Variants in CHRNA4 observed in about 807,000 individuals in gnomAD.
CHRNA4 encodes neuronal acetylcholine receptor subunit alpha-4.
CHRNA4 carries 28 observed loss-of-function variants against 48.9 expected under a neutral mutation model. That is an observed-to-expected ratio of 0.57 (90% CI 0.42 to 0.79). The LOEUF is 0.79. Among genes scored for constraint, CHRNA4 ranks in the 30% least tolerant of loss-of-function variants. The pLI is 0.00. For synonymous variants in CHRNA4, 425 were observed against 402.3 expected (o/e 1.06, Z -0.68); for missense variants, 859 against 898.4 (o/e 0.96, Z 0.56).
intron 5 of CHRNA4, among the ~76,000 whole-genome samples, chr20:63,349,149 T>C (rs2068541927): frequency 1.3e-5 from 2 of 152,012 alleles, no homozygotes; most frequent in Non-Finnish European, 2.9e-5. Flanking sequence ...CCCAGCTCCG[T>C]CCTCCTGCCA....
intron 2 of CHRNA4, among the ~76,000 whole-genome samples, chr20:63,357,047 A>ACAGGACTACAT (rs1568817550): frequency 2.0e-4 from 28 of 142,118 alleles, no homozygotes; most frequent in South Asian, 1.4e-3. Context: ...CAGGACCACA[A>ACAGGACTACAT]CCCACAGGAC....
In CHRNA4 at chr20:63,361,129, G is replaced by A; in HGVS notation, c.37C>T (p.Pro13Ser). The A allele has an allele frequency of 3.4e-6, 5 of 1,477,474 alleles. No homozygotes were observed. Among genetic ancestry groups the A allele is most frequent in the Admixed American group, 2.3e-5 (1 of 43,874 alleles). 91.5% of individuals were successfully genotyped at this position (1,477,474 alleles called of 1,614,324 possible). Residue 13 changes from proline to serine, a missense_variant, in exon 1 of 6, where the codon CCG becomes TCG. Around this residue, in one of 3 missense-constraint regions of CHRNA4, gnomAD observed 342 missense variants for 365.3 expected, o/e 0.94. Transcript: ENST00000370263. ...GTCCCCAGAAGCAGCAGCAGCGGCG[G>A]CAGCAGCCGCGGCGCTCCGGGGCCC... ...LGGPGAPRLLPPLLLLLGTGL... is the reference protein window; with the variant it reads ...LGGPGAPRLLSPLLLLLGTGL...
Position 63,350,411 on chromosome 20 carries a change from A to G in CHRNA4, c.1000T>C (p.Ser334Pro). 6.2e-7 allele frequency: 1 copy of G among 1,613,822 alleles called. No individual in the cohort carries two copies. Among genetic ancestry groups the G allele is most frequent in the Non-Finnish European group, 8.5e-7 (1 of 1,180,014 alleles). The part of the protein sequence containing the change: ...TVFVLNVHHR[S>P]PRTHTMPTWV... ...GTGGGCATGGTGTGCGTGCGTGGCG[A>G]GCGGTGGTGCACGTTGAGCACGAAG... The change falls in exon 5 of 6, where the codon TCG becomes CCG. Residue 334 changes from serine to proline, a missense_variant. By Grantham distance (74) the Ser-to-Pro change is moderately conservative. Coordinates refer to ENST00000370263, the MANE Select transcript of CHRNA4 (RefSeq NM_000744.7).
chr20:63,349,533 C>A, intron 5 of CHRNA4, 120 bp downstream of exon 5: 2 of 1,311,744 alleles, frequency 1.5e-6, no homozygotes, highest in Admixed American at 1.7e-5. Context: ...ACGCCCTGCA[C>A]CCCAAAGCGA....
At chr20:63,348,556 C>A (rs2068531448) in intron 5 of CHRNA4, among the ~76,000 whole-genome samples, 1 of 152,236 alleles carries the variant, frequency 6.6e-6, no homozygotes, top group Non-Finnish European at 1.5e-5. Context: ...GAGGATGGCG[C>A]TCTGGGGTCC....
intron 4 of CHRNA4, among the ~76,000 whole-genome samples, chr20:63,353,097 G>A (rs921444033): frequency 1.3e-5 from 2 of 152,166 alleles, no homozygotes; most frequent in Non-Finnish European, 2.9e-5. Flanking sequence ...CCTCCACCCC[G>A]ACCCCAGTCC....
chr20:63,360,980 G>T, intron 1 of CHRNA4, 110 bp downstream of exon 1: 1 of 939,996 alleles, frequency 1.1e-6, no homozygotes, highest in South Asian at 2.8e-5. Context: ...CCAGTCGCGC[G>T]CACCCGCGGC....
intron 5 of CHRNA4, among the ~76,000 whole-genome samples, chr20:63,348,099 C>T (rs2068524479): frequency 6.6e-6 from 1 of 152,244 alleles, no homozygotes; most frequent in African/African-American, 2.4e-5. Flanking sequence ...AAAGCCTTCC[C>T]TTTGTCCCCG....
Position 63,353,115 on chromosome 20 carries a change from G to A in CHRNA4, c.384-2088C>T, listed in dbSNP as rs45590132. ...CCACCCCGACCCCAGTCCAGGTCAG[G>A]GATTTCTGGGCACCTGCCCCAAGTG... On this transcript the variant is annotated intron_variant, in intron 4 of 5. Transcript: ENST00000370263. Among the ~76,000 whole-genome samples, 679 of 152,296 alleles carry A rather than the reference G, an allele frequency of 4.5e-3. 7 individuals carry two copies. Among genetic ancestry groups the A allele is most frequent in the African/African-American group, 0.016 (654 of 41,568 alleles).
chr20:63,356,516 G>A (rs1349612965), intron 2 of CHRNA4, 101 bp from the exon 3 acceptor site: 4 of 1,276,750 alleles, frequency 3.1e-6, no homozygotes, highest in East Asian at 5.0e-5. Flanking sequence ...CACGGCCAGG[G>A]CAAGATATGG....
chr20:63,349,952 G>C lies in CHRNA4; in HGVS notation c.1459C>G (p.Arg487Gly). Residue 487 changes from arginine to glycine, a missense_variant, in exon 5 of 6, where the codon CGG becomes GGG. By Grantham distance (125) the Arg-to-Gly change is moderately radical. This residue lies in a region of CHRNA4 where 478 missense variants were observed against 455.4 expected (regional missense o/e 1.05). Coordinates refer to ENST00000370263, the MANE Select transcript of CHRNA4 (RefSeq NM_000744.7). ...CGGGGAACACAGTACTGGATGCTCC[G>C]AGACCGGCACCGGACGCCGCCTTCC... ...AVEGGVRCRSRSIQYCVPRDD... is the reference protein window; with the variant it reads ...AVEGGVRCRSGSIQYCVPRDD... 1.3e-6 allele frequency: 2 copies of C among 1,576,198 alleles called. No homozygotes were observed. Among genetic ancestry groups the C allele is most frequent in the Non-Finnish European group, 1.7e-6 (2 of 1,160,202 alleles).
rs1242029657 is a variant in CHRNA4, at chr20:63,349,843, G to A, written c.1568C>T (p.Pro523Leu). 2 of 1,595,328 alleles carry A rather than the reference G, an allele frequency of 1.3e-6. No individual in the cohort carries two copies. Among genetic ancestry groups the A allele is most frequent in the East Asian group, 4.5e-5 (2 of 44,438 alleles). ...GCATTTGCACGGAGAGGGCTGGTCT[G>A]GGGGTGGGAGCTCAGCCGAGTGGGT... ...RNTHSAELPPPDQPSPCKCTC... is the reference protein window; with the variant it reads ...RNTHSAELPPLDQPSPCKCTC... The change falls in exon 5 of 6, where the codon CCA becomes CTA. Residue 523 changes from proline to leucine, a missense_variant. Physicochemically the swap from Pro to Leu is moderately conservative, Grantham distance 98. Coordinates refer to ENST00000370263, the MANE Select transcript of CHRNA4 (RefSeq NM_000744.7).
rs1486354596 is a variant in CHRNA4 at position 63,344,708 on chromosome 20, C to G, written c.*2030G>C. On this transcript the variant is annotated 3_prime_UTR_variant, in exon 6 of 6. Coordinates refer to ENST00000370263, the MANE Select transcript of CHRNA4 (RefSeq NM_000744.7). This position sits in a 1 kb window ranked among gnomAD's most constrained non-coding sequence, Gnocchi z 4.5. ...TATGCAATGTGGATCGGGCTTCTTA[C>G]ATCTGAAATCTGCGTCTCTATCCCT... 1 of 454,012 alleles carries G rather than the reference C, an allele frequency of 2.2e-6. No individual in the cohort carries two copies. The highest frequency in any genetic ancestry group is 4.4e-6 in the Non-Finnish European group (1 of 226,806). 28.1% of individuals were successfully genotyped at this position (454,012 alleles called of 1,614,324 possible).
rs545781649 is a variant in CHRNA4 at position 63,357,425 on chromosome 20, C to T, written c.229-1010G>A. On this transcript the variant is annotated intron_variant, in intron 2 of 5. Transcript: ENST00000370263. ...CCCCCTTGCAGCCGTCATTCTCAGT[C>T]GCCCTTGAAGCTGGAGGGCAGGTCA... Among the ~76,000 whole-genome samples, 30 of 152,356 alleles carry T rather than the reference C, an allele frequency of 2.0e-4. 2 individuals are homozygous for T. In the South Asian group the frequency reaches 6.0e-3, roughly 30 times the overall value.
At chr20:63,360,874 C>T (rs1240806440) in intron 1 of CHRNA4, 1 of 423,940 alleles carries the variant, frequency 2.4e-6, no homozygotes, top group Non-Finnish European at 4.1e-6. Context: ...CTTTCCCAGC[C>T]CTCCGCATTC....
chr20:63,351,745 ACT>A (rs1166962128), intron 4 of CHRNA4, among the ~76,000 whole-genome samples: 1 of 151,814 alleles, frequency 6.6e-6, no homozygotes, highest in East Asian at 1.9e-4. Flanking sequence ...CTGGCTCTGG[ACT>A]CTCTTTTGCC....
At chr20:63,348,702 T>C (rs1391848044) in intron 5 of CHRNA4, among the ~76,000 whole-genome samples, 2 of 152,178 alleles carry the variant, frequency 1.3e-5, no homozygotes, top group African/African-American at 2.4e-5. Flanking sequence ...GTGGACGTCA[T>C]GGGCTGCACA....
rs756012418 is a variant in CHRNA4 at position 63,350,622 on chromosome 20, C to T, written c.789G>A (p.Leu263=). 1.2e-6 allele frequency: 2 copies of T among 1,613,810 alleles called. No homozygotes were observed. The highest frequency in any genetic ancestry group is 1.7e-6 in the Non-Finnish European group (2 of 1,179,996). Residue 263 remains leucine (L), a synonymous_variant, in exon 5 of 6, where the codon CTG becomes CTA. Coordinates refer to ENST00000370263, the MANE Select transcript of CHRNA4 (RefSeq NM_000744.7). ...PCLLISCLTV[L]VFYLPSECGE... ...CACACTCGGAGGGCAGGTAGAAGAC[C>T]AGCACGGTGAGGCAGGAGATGAGCA...
chr20:63,361,339 G>C lies in CHRNA4; in HGVS notation c.-174C>G, dbSNP rs1454439649. 21 of 1,112,408 alleles carry C rather than the reference G, an allele frequency of 1.9e-5. No homozygotes were observed. The highest frequency in any genetic ancestry group is 6.3e-5 in the Admixed American group (1 of 15,918). 68.9% of individuals were successfully genotyped at this position (1,112,408 alleles called of 1,614,324 possible). On this transcript the variant is annotated 5_prime_UTR_variant, in exon 1 of 6. Transcript: ENST00000370263. Reference sequence around the variant, plus strand: ...CGGCGGCGGCGCGGCAGGGAGCGCCGGGCTGTGGGCTCCGTGGCGCGGCCC... The same window carrying C: ...CGGCGGCGGCGCGGCAGGGAGCGCCCGGCTGTGGGCTCCGTGGCGCGGCCC...
Sources: gnomAD v4.1 joint callset for allele counts (sites outside exome capture counted in the v4.1 genomes callset) on GRCh38, gnomAD v4.1.1 for gene constraint, gnomAD v4.1.1 regional missense constraint, Gnocchi (gnomAD v3.1) non-coding constraint, MANE v1.5 for transcripts, NCBI Gene and HGNC (gene_info 2026-07-23, HGNC 2026-07-21) for gene names.